FKBP15: variants seen among roughly 807,000 people sequenced by gnomAD.
FKBP15 encodes FK506-binding protein 15.
A neutral mutation model predicts 158.1 loss-of-function variants in FKBP15; 106 were observed. That is an observed-to-expected ratio of 0.67 (90% CI 0.57 to 0.79). The LOEUF is 0.79. FKBP15 is among the 30% of genes least tolerant of loss of function. The pLI, the probability that FKBP15 is intolerant of heterozygous loss-of-function variation, is 0.00. For missense variants in FKBP15, 1,287 were observed against 1,479.1 expected (o/e 0.87, Z 2.13); for synonymous variants, 547 against 548.6 (o/e 1.00, Z 0.04).
chr9:113,204,658 T>G (rs1830854942), intron 4 of FKBP15, among the ~76,000 whole-genome samples: 1 of 152,224 alleles, frequency 6.6e-6, no homozygotes, highest in Non-Finnish European at 1.5e-5. Flanking sequence ...TCTCTTTCTA[T>G]TATTTCTTCT....
chr9:113,199,793 T>A (rs748921543), intron 7 of FKBP15, 21 bp downstream of exon 7: 1 of 1,605,880 alleles, frequency 6.2e-7, no homozygotes, highest in South Asian at 1.1e-5. Context: ...ACAAAAGAAC[T>A]TGCAGGGTGC....
chr9:113,208,481 T>A (rs750544224), intron 2 of FKBP15, among the ~76,000 whole-genome samples: 1 of 152,238 alleles, frequency 6.6e-6, no homozygotes, highest in Non-Finnish European at 1.5e-5. Flanking sequence ...GGACATGACA[T>A]GCAAGAACTT....
intron 23 of FKBP15, among the ~76,000 whole-genome samples, chr9:113,172,903 G>T (rs979010067): frequency 6.6e-6 from 1 of 152,096 alleles, no homozygotes; most frequent in Non-Finnish European, 1.5e-5. Context: ...CAGGCCTGAT[G>T]ATCCCACCAC....
Position 113,169,720 on chromosome 9 carries a change from G to A in FKBP15, c.2989C>T (p.Gln997Ter), listed in dbSNP as rs780071271. 1.9e-6 allele frequency: 3 copies of A among 1,613,726 alleles called. No individual in the cohort carries two copies. Among genetic ancestry groups the A allele is most frequent in the Non-Finnish European group, 2.5e-6 (3 of 1,179,786 alleles). The stretch of plus-strand genomic sequence containing the variant: ...CCATCCTGGGAAGTGGTGAGGGCCT[G>A]AGGAGGCAACGGGACAGCTTCCTCG... ...VVEEAVPLPP[Q>*]ALTTSQDGHR... Residue 997 changes from glutamine (Q) to a stop codon, truncating the protein, a stop_gained, in exon 26 of 28, where the codon CAG (glutamine) becomes TAG (stop). Transcript: ENST00000238256. LOFTEE classifies it high-confidence loss of function.
At chr9:113,177,419 C>G (rs1830318864) in intron 20 of FKBP15, among the ~76,000 whole-genome samples, 1 of 152,238 alleles carries the variant, frequency 6.6e-6, no homozygotes, top group African/African-American at 2.4e-5. Flanking sequence ...AGAAATGAGA[C>G]ATTTGAACAA....
At chr9:113,217,413 T>C (rs1030343851) in intron 1 of FKBP15, among the ~76,000 whole-genome samples, 1 of 151,136 alleles carries the variant, frequency 6.6e-6, no homozygotes, top group Non-Finnish European at 1.5e-5. Flanking sequence ...GGTTTCATTG[T>C]GTTGGCCAGG....
chr9:113,178,534 CA>C, intron 20 of FKBP15, 95 bp downstream of exon 20: 1 of 1,328,744 alleles, frequency 7.5e-7, no homozygotes, highest in Non-Finnish European at 1.0e-6. Flanking sequence ...TCAAAAACTT[CA>C]TGAGCATCAT....
At chr9:113,199,390 T>C (rs1402956491) in intron 7 of FKBP15, among the ~76,000 whole-genome samples, 5 of 152,216 alleles carry the variant, frequency 3.3e-5, no homozygotes, top group Non-Finnish European at 7.3e-5. Flanking sequence ...TCATATAATA[T>C]ATTGCTTTTA....
chr9:113,200,536 A>G (rs1830769461), intron 6 of FKBP15, among the ~76,000 whole-genome samples: 1 of 152,172 alleles, frequency 6.6e-6, no homozygotes, highest in South Asian at 2.1e-4. Flanking sequence ...CTTAGCACAA[A>G]TCTTAGACAA....
chr9:113,206,636 C>A, intron 3 of FKBP15, 58 bp from the exon 4 acceptor site: 3 of 1,375,174 alleles, frequency 2.2e-6, no homozygotes, highest in Non-Finnish European at 3.1e-6. Context: ...GCAGAACCAG[C>A]TTTCTTTTCT....
rs781632704 is a variant in FKBP15, at chr9:113,199,937, G to A, written c.525C>T (p.Thr175=). The change falls in exon 7 of 28, where the codon ACC becomes ACT. Residue 175 remains threonine (T), a synonymous_variant. Transcript: ENST00000238256. The stretch of plus-strand genomic sequence containing the variant: ...GGGAGAGCACTGCATCCAGGGAAGA[G>A]GTACTGTTGCACTTAGCAATGCACA... ...KQVCIAKCNS[T]SSLDAVLSQD... 5 of 1,613,106 alleles carry A rather than the reference G, an allele frequency of 3.1e-6. No homozygotes were observed. The South Asian group carries it at 3.3e-5, about 11-fold the overall frequency.
At chr9:113,192,679 G>A (rs1271384506) in intron 11 of FKBP15, among the ~76,000 whole-genome samples, 1 of 152,112 alleles carries the variant, frequency 6.6e-6, no homozygotes, top group Non-Finnish European at 1.5e-5. Flanking sequence ...AAGAGCTAAT[G>A]TTTACTGAGC....
intron 1 of FKBP15, among the ~76,000 whole-genome samples, chr9:113,215,995 C>T (rs562394361): frequency 1.2e-4 from 18 of 148,128 alleles, no homozygotes; most frequent in African/African-American, 4.5e-4. Context: ...AAATGTGACA[C>T]GGAGACACGA....
At chr9:113,189,757 T>G (rs1032461637) in intron 12 of FKBP15, among the ~76,000 whole-genome samples, 3 of 152,144 alleles carry the variant, frequency 2.0e-5, no homozygotes, top group Admixed American at 2.0e-4. Flanking sequence ...TTCACTTCAA[T>G]TGAGAAAGGA....
At chr9:113,173,901 A>G (rs548435789) in intron 22 of FKBP15, among the ~76,000 whole-genome samples, 1 of 152,298 alleles carries the variant, frequency 6.6e-6, no homozygotes, top group East Asian at 1.9e-4. Flanking sequence ...TAAACTTTAT[A>G]GGTTCAGAAA....
In FKBP15 at chr9:113,207,070, G is replaced by C. The variant is rs372004313; in HGVS notation, c.254+142C>G. ...TTTTACCACAGAAATCTCCAATTCA[G>C]ATGTTAAAAGTTCTACTGATATTTT... On this transcript the variant is annotated intron_variant, in intron 3 of 27. Transcript: ENST00000238256. 99 of 661,538 alleles carry C rather than the reference G, an allele frequency of 1.5e-4. 1 individual carries two copies. Among genetic ancestry groups the C allele is most frequent in the East Asian group, 7.9e-4 (31 of 39,230 alleles). The allele number at this position is 661,538 out of a possible 1,614,324, so 41.0% of individuals were successfully genotyped here.
chr9:113,200,886 A>G (rs962588990), intron 6 of FKBP15, among the ~76,000 whole-genome samples: 4 of 152,004 alleles, frequency 2.6e-5, no homozygotes, highest in African/African-American at 7.3e-5. Context: ...TCTACTAAAA[A>G]TACAAAAATT....
intron 25 of FKBP15, among the ~76,000 whole-genome samples, chr9:113,170,318 G>C (rs755094702): frequency 1.3e-5 from 2 of 152,104 alleles, no homozygotes; most frequent in Non-Finnish European, 2.9e-5. Context: ...TTTTAGTAGA[G>C]ACAAAGTCTC....
At chr9:113,171,866 T>C (rs1043818905) in intron 23 of FKBP15, among the ~76,000 whole-genome samples, 160 bp from the exon 24 acceptor site, 1 of 151,716 alleles carries the variant, frequency 6.6e-6, no homozygotes, top group Non-Finnish European at 1.5e-5. Flanking sequence ...ATTATTATTA[T>C]ACTTTAAGTT....
Sources: gnomAD v4.1 joint callset for allele counts (sites outside exome capture counted in the v4.1 genomes callset) on GRCh38, gnomAD v4.1.1 for gene constraint, MANE v1.5 for transcripts, NCBI Gene and HGNC (gene_info 2026-07-23, HGNC 2026-07-21) for gene names.